Variants in AKAP13 observed in about 807,000 individuals in gnomAD.
AKAP13 encodes the protein A-kinase anchoring protein 13, also known as A-kinase anchor protein 13.
In AKAP13, 80 loss-of-function variants were observed where a neutral mutation model predicts 264.5. The ratio of observed to expected loss-of-function variants is 0.30; its 90% confidence interval spans 0.25 to 0.36. The LOEUF is 0.36. Ranked by LOEUF, AKAP13 falls within the 10% of genes least tolerant of loss-of-function variation. AKAP13 has a pLI of 1.00. For synonymous variants in AKAP13, 1,380 were observed against 1,250.2 expected (o/e 1.10, Z -2.19); for missense variants, 3,712 against 3,435.2 (o/e 1.08, Z -2.01).
chr15:85,707,975 C>T, intron 17 of AKAP13, 44 bp from the exon 18 acceptor site: 1 of 1,599,426 alleles, frequency 6.3e-7, no homozygotes, highest in Non-Finnish European at 8.6e-7. Context: ...AATCTGGGAT[C>T]TGTTTGCTTT....
chr15:85,707,905 A>C, intron 17 of AKAP13, 114 bp from the exon 18 acceptor site: 1 of 965,318 alleles, frequency 1.0e-6, no homozygotes. Context: ...TCACATTCTC[A>C]CATGTGAGTG....
intron 10 of AKAP13, among the ~76,000 whole-genome samples, chr15:85,654,166 C>T (rs745799410): frequency 5.9e-5 from 9 of 152,186 alleles, no homozygotes; most frequent in Non-Finnish European, 1.2e-4. Context: ...ATGATTTGGC[C>T]TCATAATACT....
chr15:85,503,825 G>C (rs115977759), intron 2 of AKAP13, among the ~76,000 whole-genome samples: 1 of 152,224 alleles, frequency 6.6e-6, no homozygotes, highest in Non-Finnish European at 1.5e-5. Context: ...TAGTGAGACA[G>C]GTAGGAAGAG....
chr15:85,714,840 G>A (rs574769419), intron 19 of AKAP13, among the ~76,000 whole-genome samples: 1 of 152,088 alleles, frequency 6.6e-6, no homozygotes, highest in Non-Finnish European at 1.5e-5. Flanking sequence ...GGTGGCGGGT[G>A]CCTGTAATCC....
At chr15:85,671,322 G>C (rs2083913374) in intron 14 of AKAP13, among the ~76,000 whole-genome samples, 1 of 151,518 alleles carries the variant, frequency 6.6e-6, no homozygotes, top group African/African-American at 2.4e-5. Flanking sequence ...CTGTAGTCCA[G>C]CTGCTTCAGA....
intron 8 of AKAP13, among the ~76,000 whole-genome samples, chr15:85,586,613 C>T (rs16941930): frequency 0.083 from 12,688 of 152,020 alleles, 847 homozygotes; most frequent in East Asian, 0.37. Flanking sequence ...TGAAGTATAT[C>T]GTTTTCAGCA....
intron 1 of AKAP13, among the ~76,000 whole-genome samples, chr15:85,460,690 A>G (rs1171107473): frequency 2.0e-5 from 3 of 152,210 alleles, no homozygotes; most frequent in African/African-American, 4.8e-5. Context: ...AAAAGCAGAG[A>G]ACCTTTCTTG....
Position 85,579,711 on chromosome 15 carries a change from C to G in AKAP13, c.1643C>G (p.Pro548Arg), listed in dbSNP as rs1298770232. 6.2e-7 allele frequency: 1 copy of G among 1,614,104 alleles called. No homozygotes were observed. Among genetic ancestry groups the G allele is most frequent in the African/African-American group, 1.3e-5 (1 of 74,928 alleles). Reference sequence around the variant, plus strand: ...GCCAGTTCCCTGGATGGTAACAAACCTGCTGAGTCTTCACTTGCATTTAGT... The same window carrying G: ...GCCAGTTCCCTGGATGGTAACAAACGTGCTGAGTCTTCACTTGCATTTAGT... ...PAASSLDGNK[P>R]AESSLAFSNE... is the part of the protein sequence containing the mutation. The change falls in exon 7 of 37, where the codon CCT becomes CGT. Residue 548 changes from proline (P) to arginine (R), a missense_variant. Transcript: ENST00000394518.
intron 8 of AKAP13, among the ~76,000 whole-genome samples, chr15:85,634,919 T>A (rs2082009790): frequency 6.6e-6 from 1 of 152,070 alleles, no homozygotes; most frequent in Non-Finnish European, 1.5e-5. Flanking sequence ...TTCTTCTTTC[T>A]ATGAATCTAT....
chr15:85,391,211 G>A (rs2070837947), intron 1 of AKAP13, among the ~76,000 whole-genome samples: 1 of 152,184 alleles, frequency 6.6e-6, no homozygotes, highest in African/African-American at 2.4e-5. Flanking sequence ...TATTATATCA[G>A]AATTAGTTAG....
chr15:85,725,780 T>A (rs2087581772), intron 26 of AKAP13, among the ~76,000 whole-genome samples: 1 of 152,242 alleles, frequency 6.6e-6, no homozygotes. Context: ...TCCTAGAGGA[T>A]TAGTCAGAGC....
intron 8 of AKAP13, among the ~76,000 whole-genome samples, chr15:85,591,326 C>T (rs1406428965): frequency 6.6e-6 from 1 of 152,134 alleles, no homozygotes; most frequent in Non-Finnish European, 1.5e-5. Flanking sequence ...AAACAAGCAT[C>T]CCTGAATGAT....
chr15:85,603,408 T>C (rs1340483719), intron 8 of AKAP13, among the ~76,000 whole-genome samples: 2 of 152,258 alleles, frequency 1.3e-5, no homozygotes, highest in Non-Finnish European at 2.9e-5. Context: ...AAAAGGCAAG[T>C]AACATCTTAC....
At chr15:85,681,071 G>A (rs1234374291) in intron 14 of AKAP13, among the ~76,000 whole-genome samples, 1 of 152,190 alleles carries the variant, frequency 6.6e-6, no homozygotes, top group South Asian at 2.1e-4. Context: ...GCCTGCCTCT[G>A]CCTCCCAAAG....
intron 10 of AKAP13, among the ~76,000 whole-genome samples, chr15:85,647,971 A>G (rs549963874): frequency 5.9e-5 from 9 of 152,300 alleles, no homozygotes; most frequent in East Asian, 1.9e-4. Flanking sequence ...CATTTAGAAG[A>G]TCTGCCTTTC....
intron 17 of AKAP13, among the ~76,000 whole-genome samples, chr15:85,704,502 T>A (rs993648496): frequency 1.1e-4 from 16 of 152,178 alleles, no homozygotes; most frequent in Non-Finnish European, 2.9e-5. Flanking sequence ...TTTCCAGTCA[T>A]GTGGGTTTAA....
chr15:85,507,478 A>G (rs995555168), intron 2 of AKAP13, among the ~76,000 whole-genome samples: 4 of 152,110 alleles, frequency 2.6e-5, no homozygotes, highest in African/African-American at 9.7e-5. Context: ...TCACAGATAA[A>G]GTTTGCCAAT....
chr15:85,686,728 C>G (rs1016708790), intron 16 of AKAP13, among the ~76,000 whole-genome samples: 14 of 152,082 alleles, frequency 9.2e-5, no homozygotes, highest in African/African-American at 3.4e-4. Flanking sequence ...GGCTTGGATA[C>G]TAGTTGGTAT....
intron 5 of AKAP13, among the ~76,000 whole-genome samples, chr15:85,551,472 G>T (rs1265592262): frequency 9.9e-5 from 15 of 152,180 alleles, no homozygotes; most frequent in Non-Finnish European, 4.4e-5. Flanking sequence ...TTTGAACCAG[G>T]TTGTAACTCC....
Sources: allele counts gnomAD v4.1 joint callset (sites outside exome capture counted in the v4.1 genomes callset), GRCh38; gene constraint gnomAD v4.1.1; transcripts MANE v1.5; gene names NCBI Gene and HGNC (gene_info 2026-07-23, HGNC 2026-07-21).